Variants in MISP observed in about 807,000 individuals in gnomAD.
MISP encodes mitotic interactor and substrate of PLK1.
A neutral mutation model predicts 49.3 loss-of-function variants in MISP; 51 were observed. The observed-to-expected ratio is 1.03, with a 90% CI of 0.83 to 1.31. The LOEUF is 1.31. Among genes scored for constraint, MISP ranks in the 50% most tolerant of loss-of-function variants. The pLI is 0.00. For synonymous variants in MISP, 444 were observed against 392.6 expected (o/e 1.13, Z -1.55); for missense variants, 1,084 against 935.1 (o/e 1.16, Z -2.08).
At chr19:749,229 C>T (rs1264800996), upstream of MISP, among the ~76,000 whole-genome samples, 2 of 152,176 alleles carry the variant, frequency 1.3e-5, no homozygotes, top group South Asian at 2.1e-4. Context: ...AGCTCATGGG[C>T]GATCCAGCCT....
rs143757841 is a variant in MISP, at chr19:757,004, G to A, written c.58G>A (p.Gly20Ser). The change falls in exon 2 of 5, where the codon GGC (glycine) becomes AGC (serine). Residue 20 changes from glycine to serine, a missense_variant. Gly to Ser is a moderately conservative substitution (Grantham distance 56). Transcript: ENST00000215582. ...LGIPQAHRGT[G>S]LVLDGDTSYT... The stretch of plus-strand genomic sequence containing the variant: ...CATCCCTCAGGCACACCGTGGCACC[G>A]GCCTGGTGCTGGATGGAGACACCAG... 3.4e-5 allele frequency: 55 copies of A among 1,602,216 alleles called. No homozygotes were observed. The highest frequency in any genetic ancestry group is 1.7e-4 in the African/African-American group (13 of 74,632).
At chr19:753,286 G>T (rs935623751) in intron 1 of MISP, among the ~76,000 whole-genome samples, 1 of 152,122 alleles carries the variant, frequency 6.6e-6, no homozygotes, top group African/African-American at 2.4e-5. Flanking sequence ...GACACATTGC[G>T]TGTAGTTTCA....
intron 3 of MISP, among the ~76,000 whole-genome samples, chr19:761,193 G>A (rs954838700): frequency 6.4e-5 from 9 of 141,602 alleles, no homozygotes; most frequent in African/African-American, 2.1e-4. Context: ...GGGTTCAAGC[G>A]ATTCTCCTGC....
At position 754,333 on chromosome 19, in the gene MISP, G is replaced by C. The variant is rs111626501; in HGVS notation, c.-57-2557G>C. 9.3e-3 allele frequency among the ~76,000 whole-genome samples: 1,419 copies of C among 152,304 alleles called. 25 individuals are homozygous for C. Among genetic ancestry groups the C allele is most frequent in the African/African-American group, 0.033 (1,352 of 41,556 alleles). ...CAAAAAATTAGCCAGGCGTGGTGGC[G>C]GGCGCCCGTAGTCCCAGCTCTAGGG... On this transcript the variant is annotated intron_variant, in intron 1 of 4. Coordinates refer to ENST00000215582, the MANE Select transcript of MISP (RefSeq NM_173481.4).
rs372409482 is a variant in MISP at position 757,482 on chromosome 19, C to T, written c.536C>T (p.Thr179Met). The T allele has an allele frequency of 1.8e-5, 28 of 1,598,356 alleles. No homozygotes were observed. Among genetic ancestry groups the T allele is most frequent in the East Asian group, 4.5e-5 (2 of 44,286 alleles). The change falls in exon 2 of 5, where the codon ACG becomes ATG. Residue 179 changes from threonine to methionine, a missense_variant. Thr to Met is a moderately conservative substitution (Grantham distance 81). Transcript: ENST00000215582. ...DPRTPGPPRSTPLEENVVDRE... is the reference protein window; with the variant it reads ...DPRTPGPPRSMPLEENVVDRE... ...AGGACCCCCGGCCCACCTCGGTCCA[C>T]GCCCCTGGAGGAGAACGTGGTTGAC...
At position 758,716 on chromosome 19, in the gene MISP, C is replaced by G. The variant is rs1326245580; in HGVS notation, c.1770C>G (p.Ser590=). ...CTGACCAGAACTCCAGGAGCTCCTC[C>G]CAGGCATCCGGTGAGAAGGGGCTCC... ...ENSDQNSRSS[S]QASGITGSYS... Residue 590 remains serine (S), a synonymous_variant, in exon 2 of 5, where the codon TCC becomes TCG. Coordinates refer to ENST00000215582, the MANE Select transcript of MISP (RefSeq NM_173481.4). The G allele has an allele frequency of 6.2e-7, 1 of 1,612,484 alleles. No homozygotes were observed. The highest frequency in any genetic ancestry group is 8.5e-7 in the Non-Finnish European group (1 of 1,178,966).
intron 1 of MISP, among the ~76,000 whole-genome samples, chr19:752,173 G>A (rs1367810902): frequency 6.6e-6 from 1 of 152,156 alleles, no homozygotes; most frequent in Middle Eastern, 3.2e-3. Context: ...GTCGAAAACG[G>A]TTCCAAGGTG....
At chr19:754,385 C>A (rs1018778009) in intron 1 of MISP, among the ~76,000 whole-genome samples, 2 of 152,076 alleles carry the variant, frequency 1.3e-5, no homozygotes, top group Non-Finnish European at 2.9e-5. Flanking sequence ...ATGGCGTGAA[C>A]CTGGGAGGCA....
At position 756,995 on chromosome 19, in the gene MISP, C is replaced by T. The variant is rs369926948; in HGVS notation, c.49C>T (p.Arg17Cys). 17 of 1,598,756 alleles carry T rather than the reference C, an allele frequency of 1.1e-5. No individual in the cohort carries two copies. Among genetic ancestry groups the T allele is most frequent in the African/African-American group, 2.7e-5 (2 of 74,588 alleles). Residue 17 changes from arginine to cysteine, a missense_variant, in exon 2 of 5, where the codon CGT becomes TGT. By Grantham distance (180) the Arg-to-Cys change is radical (BLOSUM62 -3). Transcript: ENST00000215582. ...CATCCTGGGCATCCCTCAGGCACAC[C>T]GTGGCACCGGCCTGGTGCTGGATGG... ...YPILGIPQAH[R>C]GTGLVLDGDT... is the part of the protein sequence containing the mutation.
intron 3 of MISP, chr19:760,363 T>TA: frequency 1.8e-5 from 3 of 164,190 alleles, no homozygotes; most frequent in South Asian, 1.3e-4. Flanking sequence ...AGCATTAGTT[T>TA]CTTTTTTTTT....
chr19:754,513 G>A (rs1342998524), intron 1 of MISP, among the ~76,000 whole-genome samples: 1 of 152,202 alleles, frequency 6.6e-6, no homozygotes, highest in Non-Finnish European at 1.5e-5. Flanking sequence ...CGTAGTCCCA[G>A]CTACTCAGGA....
intron 1 of MISP, among the ~76,000 whole-genome samples, chr19:755,599 GAC>G (rs1292517500): frequency 6.6e-6 from 1 of 152,168 alleles, no homozygotes; most frequent in African/African-American, 2.4e-5. Flanking sequence ...GTGCACAGGA[GAC>G]ACAGATAAAT....
rs116993988 is a variant in MISP at position 758,526 on chromosome 19, G to T, written c.1580G>T (p.Gly527Val). ...CAGGCCCAAGTCCCCCATGTCTGGG[G>T]CTGGGAGGTGGCTGGGGCCCCTGCA... The part of the protein sequence containing the change: ...PQQAQVPHVW[G>V]WEVAGAPALR... Residue 527 changes from glycine to valine, a missense_variant, in exon 2 of 5, where the codon GGC (glycine) becomes GTC (valine). By Grantham distance (109) the Gly-to-Val change is moderately radical. Coordinates refer to ENST00000215582, the MANE Select transcript of MISP (RefSeq NM_173481.4). The T allele has an allele frequency of 6.2e-7, 1 of 1,614,144 alleles. No homozygotes were observed. Among genetic ancestry groups the T allele is most frequent in the Admixed American group, 1.7e-5 (1 of 60,028 alleles).
chr19:763,841 A>C lies in MISP; in HGVS notation c.*251A>C, dbSNP rs939312120. ...TGGGGATGAAATGGGACCCCTGCTG[A>C]TTCTTTCTGCTTCTAAGACTTTGCC... On this transcript the variant is annotated 3_prime_UTR_variant, in exon 5 of 5. Coordinates refer to ENST00000215582, the MANE Select transcript of MISP (RefSeq NM_173481.4). The C allele has an allele frequency of 3.9e-6, 2 of 506,708 alleles. No homozygotes were observed. Among genetic ancestry groups the C allele is most frequent in the African/African-American group, 3.8e-5 (2 of 51,968 alleles). The allele number at this position is 506,708 out of a possible 1,614,324, so 31.4% of individuals were successfully genotyped here.
chr19:762,271 A>T (rs949642940), intron 4 of MISP, among the ~76,000 whole-genome samples: 4 of 123,504 alleles, frequency 3.2e-5, no homozygotes, highest in African/African-American at 9.4e-5. Flanking sequence ...TTTTTTTGGG[A>T]GGATGGAGTC....
rs936536853 is a variant in MISP at position 757,726 on chromosome 19, G to A, written c.780G>A (p.Lys260=). ...QVKGVVREEN[K]VRAVPTWASV... is the part of the protein sequence containing the mutation. ...AGGGGGTGGTCAGGGAAGAGAACAA[G>A]GTGCGTGCTGTGCCCACCTGGGCCA... Residue 260 remains lysine, a synonymous_variant, in exon 2 of 5, where the codon AAG becomes AAA. Transcript: ENST00000215582. 10 of 1,613,820 alleles carry A rather than the reference G, an allele frequency of 6.2e-6. No homozygotes were observed. In the African/African-American group the frequency reaches 1.1e-4, roughly 17 times the overall value.
chr19:762,854 T>C (rs1400636165), intron 4 of MISP, among the ~76,000 whole-genome samples: 3 of 152,022 alleles, frequency 2.0e-5, no homozygotes, highest in Middle Eastern at 6.8e-3. Flanking sequence ...TTTATTTTTG[T>C]ACAGGCAGAG....
In MISP at chr19:757,492, G is replaced by A. The variant is rs375696497; in HGVS notation, c.546G>A (p.Glu182=). 7.0e-5 allele frequency: 112 copies of A among 1,601,692 alleles called. No homozygotes were observed. The African/African-American group carries it at 1.4e-3, about 20-fold the overall frequency. The change falls in exon 2 of 5, where the codon GAG becomes GAA. Residue 182 remains glutamate, a synonymous_variant. Transcript: ENST00000215582. ...GCCCACCTCGGTCCACGCCCCTGGA[G>A]GAGAACGTGGTTGACAGGGAGCAGA... ...TPGPPRSTPL[E]ENVVDREQID... is the part of the protein sequence containing the mutation.
intron 1 of MISP, among the ~76,000 whole-genome samples, chr19:754,823 G>A (rs1568240830): frequency 6.6e-6 from 1 of 152,102 alleles, no homozygotes; most frequent in South Asian, 2.1e-4. Flanking sequence ...GAGGAGGAGG[G>A]CGAGGTTTGG....
Sources: allele counts gnomAD v4.1 joint callset (sites outside exome capture counted in the v4.1 genomes callset), GRCh38; gene constraint gnomAD v4.1.1; transcripts MANE v1.5; gene names NCBI Gene and HGNC (gene_info 2026-07-23, HGNC 2026-07-21).